Variants in PUS7 observed in about 807,000 individuals in gnomAD.
PUS7 encodes the protein pseudouridine synthase 7, also known as pseudouridylate synthase 7 homolog.
A neutral mutation model predicts 79.8 loss-of-function variants in PUS7; 48 were observed. That is an observed-to-expected ratio of 0.60 (90% CI 0.48 to 0.76). The LOEUF (loss-of-function observed/expected upper bound fraction) is 0.76, where lower values mean the gene tolerates loss of function less well. PUS7 is among the 30% of genes least tolerant of loss of function. The pLI is 0.00. For missense variants in PUS7, 729 were observed against 797.6 expected, an observed-to-expected ratio of 0.91 and a Z score of 1.04; for synonymous variants, 286 against 272.2, an observed-to-expected ratio of 1.05 and a Z score of -0.50.
At chr7:105,487,354 T>C (rs1824592457) in intron 7 of PUS7, among the ~76,000 whole-genome samples, 1 of 152,234 alleles carries the variant, frequency 6.6e-6, no homozygotes, top group African/African-American at 2.4e-5. Context: ...ATATCTGGCC[T>C]TGTGCGCCTG....
chr7:105,484,380 C>T (rs760180947), intron 7 of PUS7, among the ~76,000 whole-genome samples: 2 of 151,972 alleles, frequency 1.3e-5, no homozygotes, highest in Non-Finnish European at 2.9e-5. Flanking sequence ...TTTAGGAGGC[C>T]TAGATGGGCA....
intron 6 of PUS7, among the ~76,000 whole-genome samples, chr7:105,492,724 GT>G (rs1824846316): frequency 1.3e-5 from 2 of 151,386 alleles, no homozygotes; most frequent in African/African-American, 4.9e-5. Flanking sequence ...AGCCGGGATG[GT>G]CTCGATCTCC....
intron 4 of PUS7, among the ~76,000 whole-genome samples, chr7:105,505,206 T>C (rs1027889138): frequency 7.9e-5 from 12 of 152,136 alleles, no homozygotes; most frequent in African/African-American, 2.9e-4. Context: ...TTTCGCCATG[T>C]TGGCCAGGCT....
chr7:105,482,240 C>T (rs545451019), intron 8 of PUS7, 72 bp downstream of exon 8: 1 of 1,532,220 alleles, frequency 6.5e-7, no homozygotes, highest in East Asian at 2.3e-5. Flanking sequence ...ACCTTATGAC[C>T]AACCGTGAGT....
chr7:105,463,460 T>C lies in PUS7; in HGVS notation c.1628-710A>G, dbSNP rs144636132. On this transcript the variant is annotated intron_variant, in intron 13 of 15. Coordinates refer to ENST00000469408, the MANE Select transcript of PUS7 (RefSeq NM_019042.5). ...TCCCTTAGCTGTCCCTCCTTTAACA[T>C]TTCTGTATTTCCCACCAAACCTTTT... is the stretch of plus-strand genomic sequence containing the variant. 6.7e-3 allele frequency among the ~76,000 whole-genome samples: 1,021 copies of C among 152,290 alleles called. 12 individuals carry two copies. The highest frequency in any genetic ancestry group is 0.023 in the African/African-American group (964 of 41,558).
intron 5 of PUS7, among the ~76,000 whole-genome samples, chr7:105,496,222 TATATAGAGAG>T (rs1825021724): frequency 2.4e-5 from 2 of 85,032 alleles, no homozygotes; most frequent in Non-Finnish European, 4.2e-5. Flanking sequence ...TATATATATA[TATATAGAGAG>T]AGAGAGAGAG....
At chr7:105,494,486 C>T (rs1408662811) in intron 6 of PUS7, among the ~76,000 whole-genome samples, 10 of 149,048 alleles carry the variant, frequency 6.7e-5, no homozygotes, top group African/African-American at 2.0e-4. Context: ...CTCGGCTTAC[C>T]GCAACCTCTG....
intron 4 of PUS7, among the ~76,000 whole-genome samples, chr7:105,505,214 G>T (rs151006229): frequency 0.015 from 2,329 of 152,124 alleles, 35 homozygotes; most frequent in East Asian, 0.043. Flanking sequence ...TGTTGGCCAG[G>T]CTGGTCTTGA....
intron 11 of PUS7, among the ~76,000 whole-genome samples, chr7:105,469,754 G>A (rs951322688): frequency 5.7e-4 from 87 of 152,140 alleles, no homozygotes; most frequent in African/African-American, 2.0e-3. Flanking sequence ...GCCACTGCGC[G>A]GGCCTGTTTT....
intron 9 of PUS7, among the ~76,000 whole-genome samples, chr7:105,479,973 G>A (rs1434394667): frequency 6.6e-6 from 1 of 151,772 alleles, no homozygotes; most frequent in Non-Finnish European, 1.5e-5. Context: ...ACTCCAGCCT[G>A]GGCAACAGCA....
intron 7 of PUS7, among the ~76,000 whole-genome samples, chr7:105,483,402 T>G (rs1237019300): frequency 1.3e-5 from 2 of 152,012 alleles, no homozygotes; most frequent in African/African-American, 2.4e-5. Context: ...TGACCTCAGG[T>G]GATCCGCCCG....
rs1430450377 is a variant in PUS7, at chr7:105,458,869, T to C, written c.1849+299A>G. ...AGCCACCGCACCTGCCCAACCAATT[T>C]AATTTTTTAGACTCTTCCTGAATTT... On this transcript the variant is annotated intron_variant, in intron 15 of 15. Transcript: ENST00000469408. Among the ~76,000 whole-genome samples, 4 of 152,092 alleles carry C rather than the reference T, an allele frequency of 2.6e-5. 1 individual carries two copies. The South Asian group carries it at 6.2e-4, about 24-fold the overall frequency.
At chr7:105,514,414 C>T (rs111454095) in intron 1 of PUS7, among the ~76,000 whole-genome samples, 12,319 of 151,776 alleles carry the variant, frequency 0.081, 549 homozygotes, top group East Asian at 0.12. Flanking sequence ...ACCATCCTGT[C>T]CAACACAGTG....
chr7:105,459,305 A>T, intron 14 of PUS7, 46 bp from the exon 15 acceptor site: 1 of 1,259,028 alleles, frequency 7.9e-7, no homozygotes, highest in Middle Eastern at 1.9e-4. Context: ...GAACTTTCAT[A>T]AAAGGTACTA....
intron 9 of PUS7, among the ~76,000 whole-genome samples, chr7:105,472,531 G>C (rs1274092183): frequency 6.6e-6 from 1 of 151,966 alleles, no homozygotes; most frequent in African/African-American, 2.4e-5. Flanking sequence ...CATTACACCT[G>C]GTCCTACATC....
chr7:105,487,001 A>G (rs1824577734), intron 7 of PUS7, among the ~76,000 whole-genome samples: 1 of 152,186 alleles, frequency 6.6e-6, no homozygotes, highest in Non-Finnish European at 1.5e-5. Context: ...CTGAGGTTGC[A>G]GTGAGCCGAG....
chr7:105,477,555 C>CT (rs1313163049), intron 9 of PUS7, among the ~76,000 whole-genome samples: 2 of 152,044 alleles, frequency 1.3e-5, no homozygotes, highest in African/African-American at 4.8e-5. Context: ...GCCTGGCTCA[C>CT]TTTCTTTTTT....
intron 1 of PUS7, among the ~76,000 whole-genome samples, chr7:105,515,990 T>C (rs1825880741): frequency 6.6e-6 from 1 of 152,012 alleles, no homozygotes; most frequent in African/African-American, 2.4e-5. Context: ...TTTGTATTTT[T>C]ACTAGAGACG....
In PUS7 at chr7:105,464,610, T is replaced by G. The variant is rs1586089979; in HGVS notation, c.1627+703A>C. Reference sequence around the variant, plus strand: ...TTCTCTGGCCTATGGACTCTGGGACTTATACTGGTGGTTCCCCAGGTCTCA... The same window carrying G: ...TTCTCTGGCCTATGGACTCTGGGACGTATACTGGTGGTTCCCCAGGTCTCA... On this transcript the variant is annotated intron_variant, in intron 13 of 15. Transcript: ENST00000469408. 2.0e-5 allele frequency among the ~76,000 whole-genome samples: 3 copies of G among 152,280 alleles called. No homozygotes were observed. In the East Asian group the frequency reaches 5.8e-4, roughly 29 times the overall value.
Sources: gnomAD v4.1 joint callset for allele counts (sites outside exome capture counted in the v4.1 genomes callset) on GRCh38, gnomAD v4.1.1 for gene constraint, MANE v1.5 for transcripts, NCBI Gene and HGNC (gene_info 2026-07-23, HGNC 2026-07-21) for gene names.